Variants in TTC31 observed in about 807,000 individuals in gnomAD.
TTC31 encodes tetratricopeptide repeat protein 31.
Under a neutral mutation model 60.4 loss-of-function variants are expected in TTC31, and 59 were observed. That is an observed-to-expected ratio of 0.98 (90% CI 0.79 to 1.21). TTC31 has a LOEUF of 1.21. Ranked by LOEUF, TTC31 falls within the 50% of genes most tolerant of loss-of-function variation. TTC31 has a pLI of 0.00. For synonymous variants in TTC31, 225 were observed against 249.6 expected, an observed-to-expected ratio of 0.90 and a Z score of 0.93; for missense variants, 672 against 646.9, an observed-to-expected ratio of 1.04 and a Z score of -0.42.
At position 74,492,122 on chromosome 2, in the gene TTC31, C is replaced by T. The variant is rs751478509; in HGVS notation, c.929-17C>T. 1.9e-6 allele frequency: 3 copies of T among 1,614,202 alleles called. No homozygotes were observed. The highest frequency in any genetic ancestry group is 2.5e-6 in the Non-Finnish European group (3 of 1,180,026). ...GGGTAGCCCCATCTGAACCTTCTCA[C>T]CCTCTTTCCTTTCCAGAGTTGGGTA... On this transcript the variant is annotated splice_polypyrimidine_tract_variant and intron_variant, in intron 9 of 12. Transcript: ENST00000233623.
chr2:74,487,876 C>T (rs1038306952), intron 2 of TTC31, among the ~76,000 whole-genome samples: 4 of 151,916 alleles, frequency 2.6e-5, no homozygotes, highest in South Asian at 2.1e-4. Context: ...GATGGGGTTT[C>T]GCCATGTTGG....
In TTC31 at chr2:74,492,125, T is replaced by C; in HGVS notation, c.929-14T>C. 2 of 1,614,192 alleles carry C rather than the reference T, an allele frequency of 1.2e-6. No homozygotes were observed. The highest frequency in any genetic ancestry group is 8.5e-7 in the Non-Finnish European group (1 of 1,180,028). On this transcript the variant is annotated splice_polypyrimidine_tract_variant and intron_variant, in intron 9 of 12. Transcript: ENST00000233623. Reference sequence around the variant, plus strand: ...TAGCCCCATCTGAACCTTCTCACCCTCTTTCCTTTCCAGAGTTGGGTACCA... The same window carrying C: ...TAGCCCCATCTGAACCTTCTCACCCCCTTTCCTTTCCAGAGTTGGGTACCA...
At chr2:74,487,940 A>G (rs1389226092) in intron 2 of TTC31, among the ~76,000 whole-genome samples, 2 of 151,982 alleles carry the variant, frequency 1.3e-5, no homozygotes, top group Non-Finnish European at 2.9e-5. Flanking sequence ...TTGGCCTCCC[A>G]AAGTGCTGGG....
rs1674242525 is a variant in TTC31 at position 74,494,262 on chromosome 2, A to G, written c.*1044A>G. The G allele has an allele frequency of 6.6e-6, 1 of 152,234 alleles. No homozygotes were observed. Among genetic ancestry groups the G allele is most frequent in the Admixed American group, 6.5e-5 (1 of 15,274 alleles). The allele number at this position is 152,234 out of a possible 1,614,324, so 9.4% of individuals were successfully genotyped here. On this transcript the variant is annotated 3_prime_UTR_variant, in exon 13 of 13. Transcript: ENST00000233623. ...GTGGGTCTTGCTCAATACTGTTCAT[A>G]CCTGGAGAGAGAAGGTATTGAAACA...
rs1308589240 is a variant in TTC31 at position 74,491,154 on chromosome 2, G to A, written c.573G>A (p.Glu191=). ...KKRQKERKRQ[E]RLEQYCGEPK... is the part of the protein sequence containing the mutation. ...GTCAAAAGGAACGGAAGCGACAGGA[G>A]CGTTTGGAGCAGTACTGTGGGGAGC... The change falls in exon 6 of 13, where the codon GAG becomes GAA. Residue 191 remains glutamate, a synonymous_variant. Coordinates refer to ENST00000233623, the MANE Select transcript of TTC31 (RefSeq NM_022492.6). 1.2e-6 allele frequency: 2 copies of A among 1,614,128 alleles called. No homozygotes were observed. The highest frequency in any genetic ancestry group is 2.2e-5 in the East Asian group (1 of 44,896).
intron 2 of TTC31, among the ~76,000 whole-genome samples, chr2:74,486,730 T>C (rs1367725009): frequency 6.6e-6 from 1 of 152,228 alleles, no homozygotes; most frequent in East Asian, 1.9e-4. Context: ...CCGTTTCTAC[T>C]AAAAGATACA....
In TTC31 at chr2:74,492,304, G is replaced by A. The variant is rs756479910; in HGVS notation, c.1020G>A (p.Arg340=). The change falls in exon 11 of 13, where the codon CGG becomes CGA. Residue 340 remains arginine, a splice_region_variant and synonymous_variant. Transcript: ENST00000233623. ...QALKLNPQDH[R]LFGNRSFCHE... is the part of the protein sequence containing the mutation. Reference sequence around the variant, plus strand: ...TTTGGCCACCTTCTGTCTTTATCAGGTTATTTGGAAATCGTTCCTTCTGCC... The same window carrying A: ...TTTGGCCACCTTCTGTCTTTATCAGATTATTTGGAAATCGTTCCTTCTGCC... 1.9e-6 allele frequency: 3 copies of A among 1,597,466 alleles called. No individual in the cohort carries two copies. Among genetic ancestry groups the A allele is most frequent in the Middle Eastern group, 1.7e-4 (1 of 5,984 alleles).
intron 3 of TTC31, 43 bp downstream of exon 3, chr2:74,490,170 C>T: frequency 1.2e-6 from 2 of 1,611,184 alleles, no homozygotes; most frequent in Non-Finnish European, 8.5e-7. Flanking sequence ...AGGCTGGTAC[C>T]CTGGGAGGGC....
At chr2:74,488,053 C>T (rs1393454980) in intron 2 of TTC31, among the ~76,000 whole-genome samples, 1 of 152,220 alleles carries the variant, frequency 6.6e-6, no homozygotes, top group Non-Finnish European at 1.5e-5. Context: ...TAGTTCACTG[C>T]AGCCTTGAAC....
rs111415294 is a variant in TTC31 at position 74,492,689 on chromosome 2, G to T, written c.1205G>T (p.Gly402Val). 6.2e-7 allele frequency: 1 copy of T among 1,614,170 alleles called. No homozygotes were observed. Among genetic ancestry groups the T allele is most frequent in the Non-Finnish European group, 8.5e-7 (1 of 1,180,024 alleles). Residue 402 changes from glycine to valine, a missense_variant, in exon 12 of 13, where the codon GGT becomes GTT. Coordinates refer to ENST00000233623, the MANE Select transcript of TTC31 (RefSeq NM_022492.6). ...GCTGTGTTTCAGGAAACTCTGAGAG[G>T]TGGGTCCCAGCCTGACGCAGCCCGA... ...AAAVFQETLRGGSQPDAAREL... is the reference protein window; with the variant it reads ...AAAVFQETLRVGSQPDAAREL...
chr2:74,493,535 C>T lies in TTC31; in HGVS notation c.*317C>T, dbSNP rs913626613. The T allele has an allele frequency of 7.6e-6, 2 of 262,852 alleles. No individual in the cohort carries two copies. The highest frequency in any genetic ancestry group is 9.9e-5 in the Admixed American group (2 of 20,218). The allele number at this position is 262,852 out of a possible 1,614,324, so 16.3% of individuals were successfully genotyped here. ...CAGAGACAGTGAGAAAGCATCTGGG[C>T]CTTTCTCTTCCTCTTGGTCCAGGGG... is the stretch of plus-strand genomic sequence containing the variant. On this transcript the variant is annotated 3_prime_UTR_variant, in exon 13 of 13. Transcript: ENST00000233623.
In TTC31 at chr2:74,490,471, G is replaced by T. The variant is rs1349114957; in HGVS notation, c.460G>T (p.Glu154Ter). The stretch of plus-strand genomic sequence containing the variant: ...GCCCCAGAAGCTCCTGGTGACAGAA[G>T]AGGTGAGATTCTCAGGAGAGGGCTT... ...AMPQKLLVTEEEANRLAEELV... is the reference protein window; with the variant it reads ...AMPQKLLVTE The change falls in exon 4 of 13, where the codon GAG becomes TAG. Residue 154 changes from glutamate to a stop codon, truncating the protein, a stop_gained and splice_region_variant. Transcript: ENST00000233623. LOFTEE classifies it high-confidence loss of function. The T allele has an allele frequency of 6.2e-7, 1 of 1,605,414 alleles. No individual in the cohort carries two copies. The highest frequency in any genetic ancestry group is 1.7e-5 in the Admixed American group (1 of 58,518).
intron 4 of TTC31, 69 bp downstream of exon 4, chr2:74,490,542 A>G (rs1572961088): frequency 6.5e-7 from 1 of 1,528,602 alleles, no homozygotes; most frequent in Non-Finnish European, 8.9e-7. Flanking sequence ...CCATCCCTAT[A>G]TTCTCCCCTA....
chr2:74,483,489 G>C, intron 2 of TTC31, 79 bp downstream of exon 2: 2 of 1,603,994 alleles, frequency 1.2e-6, no homozygotes, highest in South Asian at 1.1e-5. Context: ...AGAAACCCGC[G>C]ACGGATGGGC....
chr2:74,486,951 T>C (rs749263857), intron 2 of TTC31, among the ~76,000 whole-genome samples: 3 of 151,152 alleles, frequency 2.0e-5, no homozygotes, highest in African/African-American at 7.3e-5. Context: ...GACATTTACA[T>C]AGAGATCTAA....
Position 74,493,024 on chromosome 2 carries a change from T to A in TTC31, c.1366T>A (p.Cys456Ser), listed in dbSNP as rs187658038. Residue 456 changes from cysteine to serine, a missense_variant, in exon 13 of 13, where the codon TGC (cysteine) becomes AGC (serine). Physicochemically the swap from Cys to Ser is moderately radical, Grantham distance 112. Coordinates refer to ENST00000233623, the MANE Select transcript of TTC31 (RefSeq NM_022492.6). The stretch of plus-strand genomic sequence containing the variant: ...ACCCTCAGGCCTACCTTCCCTCAGG[T>A]GCCCTCGAAGCACTGCTTTGAGGTC... ...LAPSGLPSLR[C>S]PRSTALRSPG... 1.2e-6 allele frequency: 2 copies of A among 1,614,118 alleles called. No homozygotes were observed. Among genetic ancestry groups the A allele is most frequent in the Non-Finnish European group, 1.7e-6 (2 of 1,180,000 alleles).
chr2:74,490,530 C>G (rs766243499), intron 4 of TTC31, 57 bp downstream of exon 4: 5 of 1,534,648 alleles, frequency 3.3e-6, no homozygotes, highest in Non-Finnish European at 4.4e-6. Flanking sequence ...ATCCCTGTAT[C>G]CCCATCCCTA....
rs1673608171 is a variant in TTC31, at chr2:74,489,882, G to T, written c.130-143G>T. 6.2e-6 allele frequency: 4 copies of T among 642,714 alleles called. No homozygotes were observed. In the East Asian group the frequency reaches 1.1e-4, roughly 18 times the overall value. 39.8% of individuals were successfully genotyped at this position (642,714 alleles called of 1,614,324 possible). On this transcript the variant is annotated intron_variant, in intron 2 of 12. Coordinates refer to ENST00000233623, the MANE Select transcript of TTC31 (RefSeq NM_022492.6). ...AGCAGATTTTGCGGTGCTGAGGAGG[G>T]AGAGGTCAGAGCCAGTGAGAGTCTC...
Position 74,483,112 on chromosome 2 carries a change from A to G in TTC31, c.17A>G (p.Lys6Arg), listed in dbSNP as rs780474484. The G allele has an allele frequency of 5.0e-6, 8 of 1,614,172 alleles. No individual in the cohort carries two copies. Among genetic ancestry groups the G allele is most frequent in the Non-Finnish European group, 5.9e-6 (7 of 1,180,020 alleles). Residue 6 changes from lysine (K) to arginine (R), a missense_variant, in exon 1 of 13, where the codon AAG becomes AGG. Physicochemically the swap from Lys to Arg is conservative, Grantham distance 26. Coordinates refer to ENST00000233623, the MANE Select transcript of TTC31 (RefSeq NM_022492.6). MAPIP[K>R]TVGRIKLDCS... is the part of the protein sequence containing the mutation. ...GTAGATGCGATGGCGCCGATTCCAA[A>G]GACTGTGGGGCGGATCAAGCTAGGT... is the stretch of plus-strand genomic sequence containing the variant.
Sources: allele counts gnomAD v4.1 joint callset (sites outside exome capture counted in the v4.1 genomes callset), GRCh38; gene constraint gnomAD v4.1.1; transcripts MANE v1.5; gene names NCBI Gene and HGNC (gene_info 2026-07-23, HGNC 2026-07-21).